Variants in FMN2 observed in about 807,000 individuals in gnomAD.
The protein encoded by FMN2 is formin 2, also known as formin-2.
Under a neutral mutation model 142.3 loss-of-function variants are expected in FMN2, and 51 were observed. The ratio of observed to expected loss-of-function variants is 0.36; its 90% CI spans 0.29 to 0.45. The LOEUF (loss-of-function observed/expected upper bound fraction) is 0.45. Among genes scored for constraint, FMN2 ranks in the 20% least tolerant of loss-of-function variants. FMN2 has a pLI of 1.00. For synonymous variants in FMN2, 882 were observed against 869.8 expected (o/e 1.01, Z -0.25); for missense variants, 1,936 against 2,122.8 (o/e 0.91, Z 1.73).
chr1:240,293,452 G>A (rs994291503), intron 7 of FMN2, among the ~76,000 whole-genome samples: 45 of 152,130 alleles, frequency 3.0e-4, no homozygotes, highest in African/African-American at 1.1e-3. Context: ...TGCACAAATT[G>A]AAAGAAGATA....
intron 16 of FMN2, among the ~76,000 whole-genome samples, chr1:240,448,088 G>A (rs1211873038): frequency 6.6e-6 from 1 of 152,094 alleles, no homozygotes; most frequent in African/African-American, 2.4e-5. Flanking sequence ...CTGTACCCGA[G>A]TAATTTTGTA....
intron 1 of FMN2, among the ~76,000 whole-genome samples, chr1:240,106,593 C>G (rs993380881): frequency 1.3e-5 from 2 of 152,142 alleles, no homozygotes; most frequent in Non-Finnish European, 2.9e-5. Context: ...CACTCTTCCT[C>G]CTCCTTATAT....
intron 13 of FMN2, among the ~76,000 whole-genome samples, chr1:240,354,424 A>G (rs746215917): frequency 2.0e-5 from 3 of 152,152 alleles, no homozygotes; most frequent in Non-Finnish European, 4.4e-5. Context: ...GGGAGGTGGC[A>G]GGTTTAGAGA....
chr1:240,301,883 T>G (rs1670212686), intron 8 of FMN2, among the ~76,000 whole-genome samples: 1 of 149,484 alleles, frequency 6.7e-6, no homozygotes, highest in Non-Finnish European at 1.5e-5. Context: ...GACTTCCTGA[T>G]TATAATTGTG....
intron 16 of FMN2, among the ~76,000 whole-genome samples, chr1:240,469,567 T>G (rs1185658286): frequency 6.6e-6 from 1 of 152,192 alleles, no homozygotes; most frequent in African/African-American, 2.4e-5. Context: ...TGCTGTTTCT[T>G]GACTCTTACT....
In FMN2 at chr1:240,206,878, A is replaced by G. The variant is rs1666370986; in HGVS notation, c.2066A>G (p.Lys689Arg). ...LEQTIEDLRT[K>R]IAELERQYPA... is the part of the protein sequence containing the mutation. ...CAGACTATTGAGGATCTGAGAACCA[A>G]AATAGCTGAACTAGAGAGGCAGTAT... The change falls in exon 5 of 18, where the codon AAA (lysine) becomes AGA (arginine). Residue 689 changes from lysine to arginine, a missense_variant. This residue lies in a region of FMN2 where 478 missense variants were observed against 462.8 expected (regional missense o/e 1.03). Coordinates refer to ENST00000319653, the MANE Select transcript of FMN2 (RefSeq NM_020066.5). The G allele has an allele frequency of 9.9e-6, 16 of 1,614,192 alleles. No homozygotes were observed. The highest frequency in any genetic ancestry group is 1.4e-5 in the Non-Finnish European group (16 of 1,180,020).
chr1:240,465,181 C>T (rs1676571259), intron 16 of FMN2, among the ~76,000 whole-genome samples: 1 of 152,098 alleles, frequency 6.6e-6, no homozygotes, highest in Non-Finnish European at 1.5e-5. Context: ...CCCCAGATCA[C>T]CTTAATTCCA....
chr1:240,246,222 C>A lies in FMN2; in HGVS notation c.4066-11723C>A, dbSNP rs1668078932. 2.6e-5 allele frequency among the ~76,000 whole-genome samples: 4 copies of A among 152,148 alleles called. No homozygotes were observed. In the South Asian group the frequency reaches 8.3e-4, roughly 32 times the overall value. Reference sequence around the variant, plus strand: ...ATAAATAAAAAAAGTAGAGGGCCAGCCAGCCTTTTGAAGGCTGCGCTTTTA... The same window carrying A: ...ATAAATAAAAAAAGTAGAGGGCCAGACAGCCTTTTGAAGGCTGCGCTTTTA... On this transcript the variant is annotated intron_variant, in intron 6 of 17. Coordinates refer to ENST00000319653, the MANE Select transcript of FMN2 (RefSeq NM_020066.5).
chr1:240,462,714 A>T (rs975522135), intron 16 of FMN2, among the ~76,000 whole-genome samples: 2 of 152,224 alleles, frequency 1.3e-5, no homozygotes, highest in African/African-American at 2.4e-5. Flanking sequence ...AAAGATGACT[A>T]TACATGACTC....
intron 16 of FMN2, among the ~76,000 whole-genome samples, chr1:240,445,876 C>A (rs1358683849): frequency 6.6e-6 from 1 of 151,830 alleles, no homozygotes; most frequent in Non-Finnish European, 1.5e-5. Flanking sequence ...GGGGTGAAGG[C>A]AGTAAAGATT....
intron 1 of FMN2, among the ~76,000 whole-genome samples, chr1:240,117,339 C>T (rs1339644398): frequency 6.6e-6 from 1 of 152,144 alleles, no homozygotes. Context: ...CAGTGTTGGC[C>T]TCCTTGAGGT....
intron 15 of FMN2, among the ~76,000 whole-genome samples, chr1:240,410,446 T>C (rs558228925): frequency 2.7e-4 from 41 of 152,286 alleles, no homozygotes; most frequent in Non-Finnish European, 5.4e-4. Flanking sequence ...AACTCAGCCT[T>C]AGGATTATAA....
intron 2 of FMN2, among the ~76,000 whole-genome samples, chr1:240,151,144 A>C (rs918712522): frequency 6.6e-6 from 1 of 152,158 alleles, no homozygotes; most frequent in Non-Finnish European, 1.5e-5. Flanking sequence ...ACTTTATTCT[A>C]TTGAAGTATA....
At chr1:240,190,651 C>G (rs925359623) in intron 4 of FMN2, among the ~76,000 whole-genome samples, 3 of 152,148 alleles carry the variant, frequency 2.0e-5, no homozygotes, top group Non-Finnish European at 1.5e-5. Context: ...TATTTGAGTA[C>G]AGATCTGTTT....
intron 2 of FMN2, among the ~76,000 whole-genome samples, chr1:240,166,322 CG>C (rs1162942898): frequency 7.2e-5 from 11 of 151,996 alleles, no homozygotes; most frequent in African/African-American, 2.4e-4. Context: ...CTCTGCCTCC[CG>C]GGTTCAAGCG....
chr1:240,434,225 T>C (rs1463985124), intron 15 of FMN2, among the ~76,000 whole-genome samples: 1 of 152,188 alleles, frequency 6.6e-6, no homozygotes, highest in South Asian at 2.1e-4. Flanking sequence ...CGAGGGAGTC[T>C]CACAGAAAAG....
intron 2 of FMN2, chr1:240,143,921 C>G (rs917532251): frequency 6.5e-7 from 1 of 1,532,418 alleles, no homozygotes; most frequent in African/African-American, 1.4e-5. Flanking sequence ...GTAGGCCAAG[C>G]CTAGCCCAAA....
At chr1:240,285,096 G>A (rs2102944337) in intron 7 of FMN2, 1 of 361,038 alleles carries the variant, frequency 2.8e-6, no homozygotes, top group Non-Finnish European at 5.8e-6. Context: ...CTGTTACCCT[G>A]TTTTTTGTTT....
intron 6 of FMN2, among the ~76,000 whole-genome samples, chr1:240,251,052 C>A (rs768217115): frequency 5.3e-5 from 8 of 151,372 alleles, no homozygotes; most frequent in Admixed American, 1.3e-4. Flanking sequence ...TTTGTTGATT[C>A]TTTGTGGGTT....
Sources: gnomAD v4.1 joint callset for allele counts (sites outside exome capture counted in the v4.1 genomes callset) on GRCh38, gnomAD v4.1.1 for gene constraint, gnomAD v4.1.1 regional missense constraint, MANE v1.5 for transcripts, NCBI Gene and HGNC (gene_info 2026-07-23, HGNC 2026-07-21) for gene names.